Variants in PARVG observed in about 807,000 individuals in gnomAD.
The protein encoded by PARVG is gamma-parvin.
In PARVG, 36 loss-of-function variants were observed where a neutral mutation model predicts 44.4. That is an observed-to-expected ratio of 0.81 (90% CI 0.62 to 1.07). The LOEUF (loss-of-function observed/expected upper bound fraction) is 1.07, where lower values mean the gene tolerates loss of function less well. Ranked by LOEUF, PARVG falls within the 50% of genes least tolerant of loss-of-function variation. PARVG has a pLI of 0.00. For missense variants in PARVG, 407 were observed against 407.4 expected, an observed-to-expected ratio of 1.00 and a Z score of 0.01; for synonymous variants, 170 against 174.1, an observed-to-expected ratio of 0.98 and a Z score of 0.19.
Position 44,196,224 on chromosome 22 carries a change from T to C in PARVG, c.642+11T>C. 1 of 1,614,146 alleles carries C rather than the reference T, an allele frequency of 6.2e-7. No individual in the cohort carries two copies. The highest frequency in any genetic ancestry group is 8.5e-7 in the Non-Finnish European group (1 of 1,179,994). ...AACGCAGTGAAAGAGGTAGGAGAGATCAAAGCTCTCAGCGGCTCTCAGGCT... is the reference window on the plus strand; with the variant it reads ...AACGCAGTGAAAGAGGTAGGAGAGACCAAAGCTCTCAGCGGCTCTCAGGCT... On this transcript the variant is annotated intron_variant, in intron 10 of 13. Coordinates refer to ENST00000444313, the MANE Select transcript of PARVG (RefSeq NM_022141.7).
Position 44,196,081 on chromosome 22 carries a change from G to GA in PARVG, c.584-64dup, listed in dbSNP as rs34401197. On this transcript the variant is annotated intron_variant, in intron 9 of 13. Transcript: ENST00000444313. The stretch of plus-strand genomic sequence containing the variant: ...ACTGGTTATTCTAAGAAACTTTTGT[G>GA]AAAAAAAAAATTCCCTGTTTGGCAC... The GA allele has an allele frequency of 3.7e-3, 5,336 of 1,430,958 alleles. 2 individuals are homozygous for GA. The highest frequency in any genetic ancestry group is 5.1e-3 in the South Asian group (416 of 82,022). 88.6% of individuals were successfully genotyped at this position (1,430,958 alleles called of 1,614,324 possible).
chr22:44,193,666 G>A (rs1289765277), intron 8 of PARVG, 135 bp from the exon 9 acceptor site: 2 of 1,104,924 alleles, frequency 1.8e-6, no homozygotes, highest in South Asian at 1.4e-5. Context: ...TACCTACAAA[G>A]CTGCCAGGAA....
intron 12 of PARVG, among the ~76,000 whole-genome samples, chr22:44,202,481 GT>G (rs1291537465): frequency 1.3e-5 from 2 of 152,224 alleles, no homozygotes; most frequent in African/African-American, 4.8e-5. Context: ...GGGAACAAAC[GT>G]GCAGACTTCC....
At chr22:44,194,710 G>A (rs535594405) in intron 9 of PARVG, among the ~76,000 whole-genome samples, 4 of 103,208 alleles carry the variant, frequency 3.9e-5, no homozygotes, top group East Asian at 5.6e-4. Context: ...ACCTATCCAC[G>A]CATTCATCCA....
chr22:44,199,833 C>T (rs2054681454), intron 12 of PARVG, among the ~76,000 whole-genome samples: 1 of 152,122 alleles, frequency 6.6e-6, no homozygotes, highest in Admixed American at 6.5e-5. Context: ...GGTGTAGGTG[C>T]TTCACTCTGG....
chr22:44,193,864 A>G (rs2054583374), intron 9 of PARVG, 41 bp downstream of exon 9: 1 of 1,607,760 alleles, frequency 6.2e-7, no homozygotes, highest in Non-Finnish European at 8.5e-7. Context: ...TTCCTATCTG[A>G]TGCGTGTTAA....
upstream of PARVG, among the ~76,000 whole-genome samples, chr22:44,177,093 A>G (rs576348719): frequency 2.1e-4 from 32 of 152,224 alleles, no homozygotes; most frequent in Admixed American, 1.9e-3. Context: ...CCATATCACT[A>G]TGTTTACCTG....
At chr22:44,174,331 G>A (rs1424162656) in intron 1 of PARVG, among the ~76,000 whole-genome samples, 1 of 152,166 alleles carries the variant, frequency 6.6e-6, no homozygotes, top group Non-Finnish European at 1.5e-5. Context: ...CTTCGAGAAG[G>A]AACAGGACCT....
At chr22:44,192,978 C>G (rs1408106538) in intron 8 of PARVG, among the ~76,000 whole-genome samples, 11 of 152,164 alleles carry the variant, frequency 7.2e-5, no homozygotes, top group Non-Finnish European at 1.5e-4. Flanking sequence ...AAGATGCTGG[C>G]CAGGTGGGGC....
chr22:44,198,073 T>G, intron 11 of PARVG, among the ~76,000 whole-genome samples: 1 of 152,208 alleles, frequency 6.6e-6, no homozygotes, highest in Non-Finnish European at 1.5e-5. Context: ...GAAGCAGACT[T>G]AATATGAGGA....
chr22:44,201,547 C>T (rs976459296), intron 12 of PARVG, among the ~76,000 whole-genome samples: 2 of 152,204 alleles, frequency 1.3e-5, no homozygotes, highest in African/African-American at 4.8e-5. Context: ...GAGGCCGGGG[C>T]AGTCAGTGTC....
chr22:44,205,252 A>G (rs185793615), intron 12 of PARVG, among the ~76,000 whole-genome samples: 1 of 152,294 alleles, frequency 6.6e-6, no homozygotes, highest in African/African-American at 2.4e-5. Context: ...CGTGAGCTCC[A>G]GTGAGCCCCT....
At chr22:44,185,643 T>A in intron 3 of PARVG, 165 bp from the exon 4 acceptor site, 1 of 592,300 alleles carries the variant, frequency 1.7e-6, no homozygotes. Context: ...TGTCTGAGGA[T>A]GAGCTGGTGT....
chr22:44,195,782 C>T (rs544881311), intron 9 of PARVG, among the ~76,000 whole-genome samples: 4 of 152,286 alleles, frequency 2.6e-5, no homozygotes, highest in African/African-American at 9.6e-5. Flanking sequence ...GGAGTGCCAG[C>T]TGGCAGATAA....
rs576107113 is a variant in PARVG at position 44,187,767 on chromosome 22, A to G, written c.145-9A>G. On this transcript the variant is annotated splice_polypyrimidine_tract_variant and intron_variant, in intron 4 of 13. Coordinates refer to ENST00000444313, the MANE Select transcript of PARVG (RefSeq NM_022141.7). ...ATCCCCCCAAAAGTTGTCCCCTTGG[A>G]GCCTGCAGGTGTTGATGGAGTGGAT... is the stretch of plus-strand genomic sequence containing the variant. The G allele has an allele frequency of 5.0e-6, 8 of 1,614,120 alleles. No individual in the cohort carries two copies. The highest frequency in any genetic ancestry group is 3.3e-5 in the South Asian group (3 of 91,078).
At chr22:44,196,092 T>A (rs1275043472) in intron 9 of PARVG, 63 bp from the exon 10 acceptor site, 1 of 1,585,774 alleles carries the variant, frequency 6.3e-7, no homozygotes, top group Non-Finnish European at 8.6e-7. Flanking sequence ...AAAAAAAAAA[T>A]TCCCTGTTTG....
At chr22:44,197,409 G>T (rs2054633406) in intron 11 of PARVG, among the ~76,000 whole-genome samples, 1 of 152,214 alleles carries the variant, frequency 6.6e-6, no homozygotes, top group Non-Finnish European at 1.5e-5. Flanking sequence ...GCACAGAGAG[G>T]TTAATTAACT....
At chr22:44,205,020 A>G (rs1288110486) in intron 12 of PARVG, among the ~76,000 whole-genome samples, 1 of 152,136 alleles carries the variant, frequency 6.6e-6, no homozygotes, top group Admixed American at 6.5e-5. Flanking sequence ...TTTGCAGGGG[A>G]GCAAGGGGAG....
chr22:44,174,324 C>T (rs900427604), intron 1 of PARVG, among the ~76,000 whole-genome samples: 2 of 152,082 alleles, frequency 1.3e-5, no homozygotes, highest in African/African-American at 4.8e-5. Context: ...AGCCAGTCTT[C>T]GAGAAGGAAC....
Sources: allele counts gnomAD v4.1 joint callset (sites outside exome capture counted in the v4.1 genomes callset), GRCh38; gene constraint gnomAD v4.1.1; transcripts MANE v1.5; gene names NCBI Gene and HGNC (gene_info 2026-07-23, HGNC 2026-07-21).